Variants in PHEX observed in about 807,000 individuals in gnomAD.
The protein encoded by PHEX is phosphate-regulating neutral endopeptidase PHEX.
Under a neutral mutation model 68.0 loss-of-function variants are expected in PHEX, and 16 were observed. That is an observed-to-expected ratio of 0.24 (90% CI 0.16 to 0.36). The LOEUF (loss-of-function observed/expected upper bound fraction) is 0.36. Ranked by LOEUF, PHEX falls within the 10% of genes least tolerant of loss-of-function variation. PHEX has a pLI of 1.00. For synonymous variants in PHEX, 208 were observed against 205.1 expected (o/e 1.01, Z -0.12); for missense variants, 480 against 575.5 (o/e 0.83, Z 1.70).
chrX:22,245,471 C>A, intron 21 of PHEX, 62 bp downstream of exon 21: 1 of 769,708 alleles, frequency 1.3e-6, no homozygotes, highest in Non-Finnish European at 2.0e-6. Flanking sequence ...CCTCCCCCAC[C>A]CAGCCATCCA....
Position 22,208,599 on chromosome X carries a change from C to T in PHEX, c.1646-4305C>T, listed in dbSNP as rs377095821. Among the ~76,000 whole-genome samples, 14 of 112,140 alleles carry T rather than the reference C, an allele frequency of 1.2e-4. No homozygotes were observed. In the South Asian group the frequency reaches 3.0e-3, roughly 24 times the overall value. Reference sequence around the variant, plus strand: ...TTCTCACGGTGGCACCCAGACCAGCCGCATCTGCATCGCCTGAGAACTTGC... The same window carrying T: ...TTCTCACGGTGGCACCCAGACCAGCTGCATCTGCATCGCCTGAGAACTTGC... On this transcript the variant is annotated intron_variant, in intron 15 of 21. Transcript: ENST00000379374.
At chrX:22,056,233 G>C (rs764328303) in intron 3 of PHEX, among the ~76,000 whole-genome samples, 1 of 111,894 alleles carries the variant, frequency 8.9e-6, no homozygotes, top group Non-Finnish European at 1.9e-5. Context: ...AACTCAAACT[G>C]GCTTAAACAA....
chrX:22,221,252 C>G (rs1168908944), intron 17 of PHEX, among the ~76,000 whole-genome samples: 1 of 111,968 alleles, frequency 8.9e-6, no homozygotes, highest in Non-Finnish European at 1.9e-5. Context: ...CTCTGATTGC[C>G]TCCATGGGCT....
chrX:22,236,055 C>G (rs1434546563), intron 20 of PHEX, among the ~76,000 whole-genome samples: 1 of 111,490 alleles, frequency 9.0e-6, no homozygotes, highest in East Asian at 2.8e-4. Flanking sequence ...CTTAGTGGGG[C>G]AAGTATCCTC....
In PHEX at chrX:22,250,552, G is replaced by A. The variant is rs947698245; in HGVS notation, c.*2599G>A. On this transcript the variant is annotated 3_prime_UTR_variant, in exon 22 of 22. Transcript: ENST00000379374. ...GCCAGCGAACTGTTGTCTGGGCATT[G>A]GAAGGAGTTAGGTTTTTTGTGTTTG... 1 of 112,019 alleles carries A rather than the reference G, an allele frequency of 8.9e-6. No homozygotes were observed. Among genetic ancestry groups the A allele is most frequent in the Non-Finnish European group, 1.9e-5 (1 of 53,211 alleles). The allele number at this position is 112,019 out of a possible 1,213,427, so 9.2% of individuals were successfully genotyped here.
At chrX:22,192,023 G>A (rs1934214621) in intron 15 of PHEX, among the ~76,000 whole-genome samples, 1 of 112,252 alleles carries the variant, frequency 8.9e-6, no homozygotes. Flanking sequence ...TGTAGTGTAA[G>A]TGTAAAGACA....
chrX:22,060,591 A>G (rs968193228), intron 3 of PHEX, among the ~76,000 whole-genome samples: 3 of 112,222 alleles, frequency 2.7e-5, no homozygotes, highest in African/African-American at 9.7e-5. Flanking sequence ...TATTGGCTGA[A>G]AAAAATGAAT....
chrX:22,153,859 A>G (rs1932898115), intron 12 of PHEX, among the ~76,000 whole-genome samples: 1 of 112,321 alleles, frequency 8.9e-6, no homozygotes, highest in East Asian at 2.8e-4. Context: ...AATTGTATTA[A>G]CATGGCTTTT....
rs766942818 is a variant in PHEX at position 22,155,100 on chromosome X, C to T, written c.1405-13212C>T. Among the ~76,000 whole-genome samples, 8 of 112,302 alleles carry T rather than the reference C, an allele frequency of 7.1e-5. No individual in the cohort carries two copies. In the East Asian group the frequency reaches 8.5e-4, roughly 12 times the overall value. On this transcript the variant is annotated intron_variant, in intron 12 of 21. Coordinates refer to ENST00000379374, the MANE Select transcript of PHEX (RefSeq NM_000444.6). ...CTAATTTTTGTATTTTTAGTAGAGA[C>T]GAGGTTTCACCATATTGGTCGGGCT...
At chrX:22,105,193 A>G (rs143033162) in intron 9 of PHEX, among the ~76,000 whole-genome samples, 2,228 of 111,952 alleles carry the variant, frequency 0.02, 51 homozygotes, top group African/African-American at 0.068. Context: ...CCCCAGACCT[A>G]CTGAATCAGA....
chrX:22,226,067 G>T (rs758747337), intron 18 of PHEX, among the ~76,000 whole-genome samples: 9 of 112,061 alleles, frequency 8.0e-5, no homozygotes, highest in Non-Finnish European at 1.5e-4. Flanking sequence ...ACAATGAGAA[G>T]AATACTCAAA....
At position 22,114,521 on chromosome X, in the gene PHEX, G is replaced by T; in HGVS notation, c.1237G>T (p.Ala413Ser). The T allele has an allele frequency of 8.4e-7, 1 of 1,192,571 alleles. No individual in the cohort carries two copies. Among genetic ancestry groups the T allele is most frequent in the Non-Finnish European group, 1.1e-6 (1 of 878,156 alleles). Residue 413 changes from alanine to serine, a missense_variant, in exon 11 of 22, where the codon GCC becomes TCC. By Grantham distance (99) the Ala-to-Ser change is moderately conservative. Transcript: ENST00000379374. The part of the protein sequence containing the change: ...WDKCVNFIES[A>S]LPYVVGKMFV... ...CAAATGTGTAAACTTTATTGAAAGTGCCCTCCCTTATGTTGTTGGAAAGAT... is the reference window on the plus strand; with the variant it reads ...CAAATGTGTAAACTTTATTGAAAGTTCCCTCCCTTATGTTGTTGGAAAGAT...
chrX:22,166,862 T>C (rs1602352726), intron 12 of PHEX, among the ~76,000 whole-genome samples: 2 of 111,997 alleles, frequency 1.8e-5, no homozygotes, highest in East Asian at 5.6e-4. Context: ...ATGAATGAGA[T>C]CATGCAGTAT....
Position 22,032,728 on chromosome X carries a change from G to A in PHEX, c.-278G>A, listed in dbSNP as rs1308674264. Reference sequence around the variant, plus strand: ...CTTGAGAGAAGAGCCTGCCAAACAGGGACTTTGCTGAGGGAGAGCACCAAG... The same window carrying A: ...CTTGAGAGAAGAGCCTGCCAAACAGAGACTTTGCTGAGGGAGAGCACCAAG... On this transcript the variant is annotated 5_prime_UTR_variant, in exon 1 of 22. Transcript: ENST00000379374. The A allele has an allele frequency of 1.4e-4, 48 of 353,798 alleles. No homozygotes were observed. The highest frequency in any genetic ancestry group is 2.7e-4 in the Admixed American group (6 of 21,939). The allele number at this position is 353,798 out of a possible 1,213,427, so 29.2% of individuals were successfully genotyped here. A position where few individuals can be genotyped will look rare whatever the true frequency, so the allele number is the denominator to read the frequency against.
At chrX:22,041,263 CTCTATATATATATA>C (rs1244993343) in intron 2 of PHEX, among the ~76,000 whole-genome samples, 5 of 65,384 alleles carry the variant, frequency 7.6e-5, no homozygotes, top group African/African-American at 2.2e-4. Context: ...CTCTCTCTCT[CTCTATATATATATA>C]TATATATATA....
chrX:22,199,430 C>T (rs957257631), intron 15 of PHEX, among the ~76,000 whole-genome samples: 6 of 112,122 alleles, frequency 5.4e-5, no homozygotes, highest in African/African-American at 1.9e-4. Flanking sequence ...TATGGGCAAC[C>T]AAGTTCTGAA....
intron 17 of PHEX, among the ~76,000 whole-genome samples, chrX:22,221,355 T>C (rs1271219779): frequency 8.9e-6 from 1 of 112,336 alleles, no homozygotes; most frequent in Non-Finnish European, 1.9e-5. Context: ...AAGACTAGTA[T>C]ATGTAATAAA....
At chrX:22,152,507 C>T (rs1395504241) in intron 12 of PHEX, among the ~76,000 whole-genome samples, 1 of 111,420 alleles carries the variant, frequency 9.0e-6, no homozygotes, top group Non-Finnish European at 1.9e-5. Context: ...ATCGCATTCT[C>T]TCCCTATGAC....
In PHEX at chrX:22,209,744, GCTCCCTCTCCTCCCTCTC is replaced by G. The variant is rs1215563079; in HGVS notation, c.1646-3132_1646-3115del. ...TCCCTCTGCTCCCTCTGCTCCCTCT[GCTCCCTCTCCTCCCTCTC>G]CTCCCTCTCCTCCCTCTCCTCCCTC... On this transcript the variant is annotated intron_variant, in intron 15 of 21. Coordinates refer to ENST00000379374, the MANE Select transcript of PHEX (RefSeq NM_000444.6). 3.5e-3 allele frequency among the ~76,000 whole-genome samples: 238 copies of G among 68,364 alleles called. 3 individuals are homozygous for G. The highest frequency in any genetic ancestry group is 0.017 in the African/African-American group (222 of 13,329). 59.4% of individuals were successfully genotyped at this position (68,364 alleles called of 115,157 possible). A position where few individuals can be genotyped will look rare whatever the true frequency, so the allele number is the denominator to read the frequency against.
Sources: allele counts gnomAD v4.1 joint callset (sites outside exome capture counted in the v4.1 genomes callset), GRCh38; gene constraint gnomAD v4.1.1; transcripts MANE v1.5; gene names NCBI Gene and HGNC (gene_info 2026-07-23, HGNC 2026-07-21).